The following MYO3B variants were observed in gnomAD, a reference collection of about 807,000 sequenced individuals.
MYO3B encodes the protein myosin-IIIb.
MYO3B carries 156 observed loss-of-function variants against 174.6 expected under a neutral mutation model. That is an observed-to-expected ratio of 0.89 (90% CI 0.78 to 1.02). MYO3B has a LOEUF of 1.02. Ranked by LOEUF, MYO3B falls within the 50% of genes least tolerant of loss-of-function variation. The pLI is 0.00. For missense variants in MYO3B, 1,632 were observed against 1,639.4 expected, an observed-to-expected ratio of 1.00 and a Z score of 0.08; for synonymous variants, 563 against 569.1, an observed-to-expected ratio of 0.99 and a Z score of 0.15.
chr2:170,614,722 C>T (rs1695335867), intron 32 of MYO3B, among the ~76,000 whole-genome samples: 1 of 152,154 alleles, frequency 6.6e-6, no homozygotes, highest in African/African-American at 2.4e-5. Context: ...TAGCATAAGG[C>T]TTTCTATCAA....
intron 1 of MYO3B, among the ~76,000 whole-genome samples, chr2:170,184,685 T>G (rs2092442062): frequency 6.6e-6 from 1 of 152,194 alleles, no homozygotes; most frequent in Admixed American, 6.5e-5. Flanking sequence ...CTGATAACAT[T>G]TCCTTTGGGG....
At chr2:170,329,403 A>AT (rs113629396) in intron 7 of MYO3B, among the ~76,000 whole-genome samples, 5,810 of 148,932 alleles carry the variant, frequency 0.039, 406 homozygotes, top group African/African-American at 0.13. Flanking sequence ...ACTATTGGGG[A>AT]TTTTTTTTTT....
intron 7 of MYO3B, among the ~76,000 whole-genome samples, chr2:170,326,157 T>A (rs2093865614): frequency 6.6e-6 from 1 of 150,796 alleles, no homozygotes; most frequent in African/African-American, 2.4e-5. Context: ...CTTAAAATAC[T>A]AATCTAATTG....
chr2:170,528,190 C>G lies in MYO3B; in HGVS notation c.3575+8650C>G, dbSNP rs1180583079. ...CTGTGATGCATCTACCTTCCTAACT[C>G]AAAAATAAGCTCCAAGTTTGGGAAG... On this transcript the variant is annotated intron_variant, in intron 30 of 34. Coordinates refer to ENST00000408978, the MANE Select transcript of MYO3B (RefSeq NM_138995.5). 2.6e-5 allele frequency among the ~76,000 whole-genome samples: 4 copies of G among 152,282 alleles called. No homozygotes were observed. The South Asian group carries it at 6.2e-4, about 24-fold the overall frequency.
At chr2:170,519,372 T>C (rs1193888963) in intron 29 of MYO3B, 66 bp from the exon 30 acceptor site, 1 of 1,279,434 alleles carries the variant, frequency 7.8e-7, no homozygotes, top group Non-Finnish European at 1.1e-6. Context: ...AGAGTGTAGA[T>C]GGGCACCAAA....
intron 3 of MYO3B, among the ~76,000 whole-genome samples, chr2:170,201,726 AAT>A: frequency 6.8e-6 from 1 of 147,724 alleles, no homozygotes; most frequent in East Asian, 2.0e-4. Context: ...CCACCCCAAG[AAT>A]ATTAGGATTT....
intron 22 of MYO3B, among the ~76,000 whole-genome samples, chr2:170,411,502 A>G (rs1240537537): frequency 1.3e-5 from 2 of 152,234 alleles, no homozygotes; most frequent in African/African-American, 4.8e-5. Context: ...AAGGTACAGT[A>G]CAACTATGGT....
intron 7 of MYO3B, among the ~76,000 whole-genome samples, chr2:170,302,167 A>T (rs982397341): frequency 6.6e-6 from 1 of 152,186 alleles, no homozygotes; most frequent in Admixed American, 6.5e-5. Context: ...TCTGATTTTA[A>T]AAAAGAGCAG....
chr2:170,282,540 A>G (rs907702487), intron 7 of MYO3B, among the ~76,000 whole-genome samples: 1 of 152,168 alleles, frequency 6.6e-6, no homozygotes, highest in Non-Finnish European at 1.5e-5. Context: ...AGGCAGTGTG[A>G]AGCCCCTAGC....
At chr2:170,403,573 A>G (rs966210215) in intron 19 of MYO3B, among the ~76,000 whole-genome samples, 2 of 152,352 alleles carry the variant, frequency 1.3e-5, no homozygotes, top group South Asian at 4.1e-4. Flanking sequence ...CAGTCTGATC[A>G]ACCCCAACCT....
At chr2:170,453,979 AC>A (rs1358774342) in intron 23 of MYO3B, among the ~76,000 whole-genome samples, 1 of 152,216 alleles carries the variant, frequency 6.6e-6, no homozygotes, top group African/African-American at 2.4e-5. Flanking sequence ...ATCAGGGCTA[AC>A]CGAATGCAAT....
At chr2:170,553,783 C>G (rs1691086476) in intron 32 of MYO3B, among the ~76,000 whole-genome samples, 1 of 152,082 alleles carries the variant, frequency 6.6e-6, no homozygotes, top group African/African-American at 2.4e-5. Context: ...AATTGTAATC[C>G]CCAGTGTTGG....
At chr2:170,180,053 T>G (rs180866069) in intron 1 of MYO3B, 9 of 271,128 alleles carry the variant, frequency 3.3e-5, no homozygotes, top group Non-Finnish European at 7.4e-5. Flanking sequence ...AATGGAAATC[T>G]TCATCATGAA....
At chr2:170,400,076 A>G in intron 16 of MYO3B, 112 bp from the exon 17 acceptor site, 2 of 1,404,544 alleles carry the variant, frequency 1.4e-6, no homozygotes, top group East Asian at 4.6e-5. Context: ...GTGTCCAGGA[A>G]AAGAGGGAGA....
intron 32 of MYO3B, among the ~76,000 whole-genome samples, chr2:170,550,783 CAA>C (rs1222201979): frequency 2.6e-5 from 4 of 152,184 alleles, no homozygotes; most frequent in Admixed American, 6.5e-5. Context: ...TTGTCAAGAA[CAA>C]AGTTACATTT....
At chr2:170,480,043 A>ATC (rs1446115257) in intron 25 of MYO3B, among the ~76,000 whole-genome samples, 1 of 132,488 alleles carries the variant, frequency 7.5e-6, no homozygotes, top group Non-Finnish European at 1.7e-5. Flanking sequence ...GTGTGTGTGT[A>ATC]TATATATATA....
At chr2:170,199,671 CT>C (rs2092639826) in intron 2 of MYO3B, among the ~76,000 whole-genome samples, 1 of 152,144 alleles carries the variant, frequency 6.6e-6, no homozygotes, top group African/African-American at 2.4e-5. Context: ...ACTACCTGGT[CT>C]TTCTGTAAGT....
chr2:170,441,385 T>C (rs998481675), intron 22 of MYO3B, among the ~76,000 whole-genome samples: 6 of 152,204 alleles, frequency 3.9e-5, no homozygotes, highest in Non-Finnish European at 7.3e-5. Flanking sequence ...TTTTCACTAT[T>C]TGGTATGATG....
At chr2:170,249,719 C>T (rs901372719) in intron 7 of MYO3B, among the ~76,000 whole-genome samples, 6 of 152,176 alleles carry the variant, frequency 3.9e-5, no homozygotes, top group African/African-American at 1.2e-4. Flanking sequence ...GGCAGCTCCA[C>T]AGCAAAAAGG....
Sources: allele counts gnomAD v4.1 joint callset (sites outside exome capture counted in the v4.1 genomes callset), GRCh38; gene constraint gnomAD v4.1.1; transcripts MANE v1.5; gene names NCBI Gene and HGNC (gene_info 2026-07-23, HGNC 2026-07-21).